ZBTB18: variants seen among roughly 807,000 people sequenced by gnomAD.
ZBTB18 encodes zinc finger and BTB domain containing 18, also known as zinc finger and BTB domain-containing protein 18.
A neutral mutation model predicts 37.7 loss-of-function variants in ZBTB18; 2 were observed. That is an observed-to-expected ratio of 0.05 (90% CI 0.02 to 0.17). The LOEUF (loss-of-function observed/expected upper bound fraction) is 0.17. Among genes scored for constraint, ZBTB18 ranks in the 10% least tolerant of loss-of-function variants. The pLI is 1.00. For synonymous variants in ZBTB18, 304 were observed against 276.5 expected (o/e 1.10, Z -0.99); for missense variants, 408 against 686.3 (o/e 0.59, Z 4.53).
rs1698450193 is a variant in ZBTB18, at chr1:244,055,642, A to G, written c.*272A>G. The G allele has an allele frequency of 6.0e-6, 1 of 166,728 alleles. No homozygotes were observed. Among genetic ancestry groups the G allele is most frequent in the Non-Finnish European group, 1.5e-5 (1 of 68,214 alleles). 10.3% of individuals were successfully genotyped at this position (166,728 alleles called of 1,614,324 possible). A position where few individuals can be genotyped will look rare whatever the true frequency, so the allele number is the denominator to read the frequency against. On this transcript the variant is annotated 3_prime_UTR_variant, in exon 2 of 2. Coordinates refer to ENST00000358704, the MANE Select transcript of ZBTB18 (RefSeq NM_205768.3). This position sits in a 1 kb window ranked among gnomAD's most constrained non-coding sequence, Gnocchi z 7.0. Reference sequence around the variant, plus strand: ...AACCTTTTAAACAAATCGTCCTGTCACAAAATGCTTTCATATGGCTTAATT... The same window carrying G: ...AACCTTTTAAACAAATCGTCCTGTCGCAAAATGCTTTCATATGGCTTAATT...
chr1:244,051,469 G>C, intron 1 of ZBTB18, 25 bp downstream of exon 1: 1 of 1,613,440 alleles, frequency 6.2e-7, no homozygotes. Context: ...AGATTAGATT[G>C]AGCATATTTC....
chr1:244,054,779 G>A lies in ZBTB18; in HGVS notation c.1005G>A (p.Leu335=), dbSNP rs776964122. 8.7e-6 allele frequency: 14 copies of A among 1,614,032 alleles called. 1 individual carries two copies. The South Asian group carries it at 1.2e-4, about 14-fold the overall frequency. Residue 335 remains leucine, a synonymous_variant, in exon 2 of 2, where the codon CTG becomes CTA. Coordinates refer to ENST00000358704, the MANE Select transcript of ZBTB18 (RefSeq NM_205768.3). This position sits in a 1 kb window ranked among gnomAD's most constrained non-coding sequence, Gnocchi z 9.0. ...GGGAGGACTCGGTCTTGAGGGAGCT[G>A]GACCGGGAGGACAAAGCCAGTGATG... ...PLREDSVLRE[L]DREDKASDDE... is the part of the protein sequence containing the mutation.
At chr1:244,049,039 CGCGCCCCG>C (rs1403069414), upstream of ZBTB18, 3 of 146,250 alleles carry the variant, frequency 2.1e-5, no homozygotes, top group Non-Finnish European at 3.1e-5. Context: ...GCGCCCCCTC[CGCGCCCCG>C]GCACCCCGGC....
chr1:244,052,971 C>G (rs975592974), intron 1 of ZBTB18, among the ~76,000 whole-genome samples: 1 of 152,128 alleles, frequency 6.6e-6, no homozygotes, highest in Non-Finnish European at 1.5e-5. Flanking sequence ...TCAGTAAAGC[C>G]CCTCTGGTTC....
rs1264379057 is a variant in ZBTB18, at chr1:244,054,826, G to C, written c.1052G>C (p.Ser351Thr). 4.3e-6 allele frequency: 7 copies of C among 1,614,136 alleles called. No individual in the cohort carries two copies. The highest frequency in any genetic ancestry group is 1.3e-5 in the African/African-American group (1 of 75,036). ...ASDDEMMTPE[S>T]ERVQVEGGME... ...GATGATGAGATGATGACCCCAGAGA[G>C]CGAGCGTGTCCAGGTGGAGGGAGGC... Residue 351 changes from serine to threonine, a missense_variant, in exon 2 of 2, where the codon AGC becomes ACC. Ser to Thr is a moderately conservative substitution (Grantham distance 58). Around this residue, in one of 4 missense-constraint regions of ZBTB18, gnomAD observed 266 missense variants for 312.0 expected, o/e 0.85. Coordinates refer to ENST00000358704, the MANE Select transcript of ZBTB18 (RefSeq NM_205768.3). This position sits in a 1 kb window ranked among gnomAD's most constrained non-coding sequence, Gnocchi z 9.0.
intron 1 of ZBTB18, among the ~76,000 whole-genome samples, chr1:244,052,924 T>C (rs1408415410): frequency 1.3e-5 from 2 of 152,264 alleles, no homozygotes; most frequent in African/African-American, 4.8e-5. Flanking sequence ...CATTTTGCCT[T>C]GCAACGGATC....
intron 1 of ZBTB18, 21 bp downstream of exon 1, chr1:244,051,465 G>T: frequency 6.2e-7 from 1 of 1,613,642 alleles, no homozygotes; most frequent in Non-Finnish European, 8.5e-7. Flanking sequence ...CAAGAGATTA[G>T]ATTGAGCATA....
At chr1:244,048,628 G>GCCCCCCCCC (rs1325001619), upstream of ZBTB18, among the ~76,000 whole-genome samples, 10 of 79,490 alleles carry the variant, frequency 1.3e-4, no homozygotes, top group South Asian at 5.1e-4. Context: ...CCCCGCGCCC[G>GCCCCCCCCC]CCCCCCCCCC....
chr1:244,054,421 C>A lies in ZBTB18; in HGVS notation c.647C>A (p.Ala216Glu). The A allele has an allele frequency of 6.2e-7, 1 of 1,614,210 alleles. No homozygotes were observed. The highest frequency in any genetic ancestry group is 8.5e-7 in the Non-Finnish European group (1 of 1,180,040). Residue 216 changes from alanine (A) to glutamate (E), a missense_variant, in exon 2 of 2, where the codon GCA becomes GAA. Ala to Glu is a moderately radical substitution (Grantham distance 107). This residue lies in a region of ZBTB18 where 266 missense variants were observed against 312.0 expected (regional missense o/e 0.85). Coordinates refer to ENST00000358704, the MANE Select transcript of ZBTB18 (RefSeq NM_205768.3). This position sits in a 1 kb window ranked among gnomAD's most constrained non-coding sequence, Gnocchi z 9.0. ...GGAGAGGCAGAGCCACACGCCACAG[C>A]AGCTGGAAAAACAGTAGCCAGCCCC... ...AGGEAEPHAT[A>E]AGKTVASPCS... is the part of the protein sequence containing the mutation.
chr1:244,053,038 C>T lies in ZBTB18; in HGVS notation c.14-750C>T, dbSNP rs141307857. Among the ~76,000 whole-genome samples, 44 of 152,172 alleles carry T rather than the reference C, an allele frequency of 2.9e-4. No homozygotes were observed. In the South Asian group the frequency reaches 4.0e-3, roughly 14 times the overall value. On this transcript the variant is annotated intron_variant, in intron 1 of 1. Coordinates refer to ENST00000358704, the MANE Select transcript of ZBTB18 (RefSeq NM_205768.3). This position sits in a 1 kb window ranked among gnomAD's most constrained non-coding sequence, Gnocchi z 5.2. ...AAATGTAACTACTTTTTTCTCAGTT[C>T]GTTTTGAAAAATCTTTGGATTTGTT...
chr1:244,049,778 C>G (rs376586452), upstream of ZBTB18, among the ~76,000 whole-genome samples: 17 of 152,074 alleles, frequency 1.1e-4, no homozygotes, highest in East Asian at 3.1e-3. Flanking sequence ...CCCCACCTCT[C>G]TGAAAAACAA....
In ZBTB18 at chr1:244,057,178, T is replaced by C. The variant is rs1698491651; in HGVS notation, c.*1808T>C. On this transcript the variant is annotated 3_prime_UTR_variant, in exon 2 of 2. Coordinates refer to ENST00000358704, the MANE Select transcript of ZBTB18 (RefSeq NM_205768.3). ...TGAAGAGTTTCTAGTTTTTTTAAAA[T>C]ACAGTTTATGTTAAAATAATTTTTA... 6.0e-6 allele frequency: 1 copy of C among 167,070 alleles called. No homozygotes were observed. The highest frequency in any genetic ancestry group is 6.5e-5 in the Admixed American group (1 of 15,292). The allele number at this position is 167,070 out of a possible 1,614,324, so 10.3% of individuals were successfully genotyped here. A position where few individuals can be genotyped will look rare whatever the true frequency, so the allele number is the denominator to read the frequency against.
chr1:244,050,493 T>G (rs1358934476), upstream of ZBTB18, among the ~76,000 whole-genome samples: 1 of 146,344 alleles, frequency 6.8e-6, no homozygotes, highest in African/African-American at 2.5e-5. Flanking sequence ...AAGGCAAGGT[T>G]CTGCTTTTTC....
rs377042727 is a variant in ZBTB18, at chr1:244,055,811, G to T, written c.*441G>T. 72 of 166,032 alleles carry T rather than the reference G, an allele frequency of 4.3e-4. No individual in the cohort carries two copies. Among genetic ancestry groups the T allele is most frequent in the Non-Finnish European group, 9.0e-4 (61 of 67,990 alleles). 10.3% of individuals were successfully genotyped at this position (166,032 alleles called of 1,614,324 possible). A position where few individuals can be genotyped will look rare whatever the true frequency, so the allele number is the denominator to read the frequency against. ...CAAATTGCATGAATTTTTTCTGGCT[G>T]TTGGAAACCTGAATGCTTTTAGACC... is the stretch of plus-strand genomic sequence containing the variant. On this transcript the variant is annotated 3_prime_UTR_variant, in exon 2 of 2. Transcript: ENST00000358704. The surrounding 1 kb of genome is among the most constrained non-coding windows in gnomAD (Gnocchi z 7.0).
intron 1 of ZBTB18, among the ~76,000 whole-genome samples, chr1:244,052,732 A>G (rs1178155608): frequency 6.6e-6 from 1 of 152,208 alleles, no homozygotes; most frequent in Non-Finnish European, 1.5e-5. Context: ...GAAATATATC[A>G]AATTATATTG....
rs1040340479 is a variant in ZBTB18 at position 244,051,317 on chromosome 1, A to G, written c.-115A>G. 6.1e-6 allele frequency: 7 copies of G among 1,148,684 alleles called. No individual in the cohort carries two copies. In the African/African-American group the frequency reaches 7.7e-5, roughly 13 times the overall value. 71.2% of individuals were successfully genotyped at this position (1,148,684 alleles called of 1,614,324 possible). On this transcript the variant is annotated 5_prime_UTR_variant, in exon 1 of 2. Coordinates refer to ENST00000358704, the MANE Select transcript of ZBTB18 (RefSeq NM_205768.3). The stretch of plus-strand genomic sequence containing the variant: ...GGATCTGTGGTGGAGAAGGTATCTC[A>G]TTCCTCTCTAACATCATCTCCACTT...
At chr1:244,051,513 TCA>T (rs201910409) in intron 1 of ZBTB18, 69 bp downstream of exon 1, 1 of 1,583,202 alleles carries the variant, frequency 6.3e-7, no homozygotes, top group East Asian at 2.2e-5. Flanking sequence ...ATTTTAAAAA[TCA>T]CATTACTTTT....
rs773024610 is a variant in ZBTB18 at position 244,051,403 on chromosome 1, G to C, written c.-29G>C. ...GATGTAACAGACCTGGAGCCAGCAG[G>C]ACTCAGAGGAAAGGACTTAATCAGG... On this transcript the variant is annotated 5_prime_UTR_variant, in exon 1 of 2. Transcript: ENST00000358704. 20 of 1,613,828 alleles carry C rather than the reference G, an allele frequency of 1.2e-5. No individual in the cohort carries two copies. The African/African-American group carries it at 2.7e-4, about 22-fold the overall frequency.
chr1:244,055,432 T>C lies in ZBTB18; in HGVS notation c.*62T>C. The C allele has an allele frequency of 1.7e-6, 1 of 595,328 alleles. No individual in the cohort carries two copies. The highest frequency in any genetic ancestry group is 2.3e-6 in the Non-Finnish European group (1 of 429,936). The allele number at this position is 595,328 out of a possible 1,614,324, so 36.9% of individuals were successfully genotyped here. On this transcript the variant is annotated 3_prime_UTR_variant, in exon 2 of 2. Coordinates refer to ENST00000358704, the MANE Select transcript of ZBTB18 (RefSeq NM_205768.3). This position sits in a 1 kb window ranked among gnomAD's most constrained non-coding sequence, Gnocchi z 7.0. ...TATATATAAATAGATCTCTATATAG[T>C]TGTGGTACGGTCTAAAAGCAGTCTT...
Sources: gnomAD v4.1 joint callset for allele counts (sites outside exome capture counted in the v4.1 genomes callset) on GRCh38, gnomAD v4.1.1 for gene constraint, gnomAD v4.1.1 regional missense constraint, Gnocchi (gnomAD v3.1) non-coding constraint, MANE v1.5 for transcripts, NCBI Gene and HGNC (gene_info 2026-07-23, HGNC 2026-07-21) for gene names.